NSUN2: variants seen among roughly 807,000 people sequenced by gnomAD.
NSUN2 encodes RNA cytosine C(5)-methyltransferase NSUN2.
A neutral mutation model predicts 92.7 loss-of-function variants in NSUN2; 63 were observed. The observed-to-expected ratio is 0.68, with a 90% CI of 0.56 to 0.84. The LOEUF is 0.84. NSUN2 is among the 40% of genes least tolerant of loss of function. NSUN2 has a pLI of 0.00. For missense variants in NSUN2, 989 were observed against 964.9 expected, an observed-to-expected ratio of 1.02 and a Z score of -0.33; for synonymous variants, 356 against 348.3, an observed-to-expected ratio of 1.02 and a Z score of -0.25.
At chr5:6,629,920 C>T (rs1040507776) in intron 3 of NSUN2, among the ~76,000 whole-genome samples, 2 of 152,148 alleles carry the variant, frequency 1.3e-5, no homozygotes, top group Non-Finnish European at 2.9e-5. Flanking sequence ...CTGAGGCCTC[C>T]CCGGCGATGT....
Position 6,604,288 on chromosome 5 carries a change from A to G in NSUN2, c.1819-12T>C. ...AATGTATATATTCCCTGTGTGAATA[A>G]AGAGAATGAGAGAACAGATACCATG... is the stretch of plus-strand genomic sequence containing the variant. On this transcript the variant is annotated splice_polypyrimidine_tract_variant and intron_variant, in intron 16 of 18. Transcript: ENST00000264670. The G allele has an allele frequency of 6.3e-7, 1 of 1,584,410 alleles. No homozygotes were observed. Among genetic ancestry groups the G allele is most frequent in the Non-Finnish European group, 8.6e-7 (1 of 1,157,022 alleles).
At chr5:6,607,970 T>TA (rs1367552007) in intron 12 of NSUN2, among the ~76,000 whole-genome samples, 1 of 152,062 alleles carries the variant, frequency 6.6e-6, no homozygotes, top group Admixed American at 6.5e-5. Flanking sequence ...TAAAGATCTT[T>TA]AAAAAATACA....
intron 12 of NSUN2, among the ~76,000 whole-genome samples, chr5:6,607,741 G>C (rs372600707): frequency 6.6e-6 from 1 of 152,150 alleles, no homozygotes; most frequent in East Asian, 1.9e-4. Flanking sequence ...CACCAAGCAC[G>C]ATTTCTAAAA....
chr5:6,612,799 TCA>T (rs2126485143), intron 9 of NSUN2, among the ~76,000 whole-genome samples: 1 of 152,346 alleles, frequency 6.6e-6, no homozygotes, highest in East Asian at 1.9e-4. Context: ...TCCAGGGGCT[TCA>T]CAGATGAGCA....
At chr5:6,605,190 C>A in intron 15 of NSUN2, 83 bp downstream of exon 15, 2 of 1,565,398 alleles carry the variant, frequency 1.3e-6, no homozygotes, top group South Asian at 2.4e-5. Flanking sequence ...ATGTCACGGT[C>A]TGCTCCAAAT....
chr5:6,606,941 C>A, intron 13 of NSUN2, 29 bp from the exon 14 acceptor site: 2 of 1,322,588 alleles, frequency 1.5e-6, no homozygotes, highest in South Asian at 2.4e-5. Context: ...TGAGACAAAT[C>A]AATCTGTAAT....
chr5:6,623,381 C>A, intron 4 of NSUN2, 96 bp from the exon 5 acceptor site: 1 of 1,010,190 alleles, frequency 9.9e-7, no homozygotes, highest in Non-Finnish European at 1.4e-6. Context: ...AACAGGAAAA[C>A]AGCACATAAT....
At chr5:6,600,559 C>T (rs112794188) in intron 18 of NSUN2, among the ~76,000 whole-genome samples, 5 of 152,198 alleles carry the variant, frequency 3.3e-5, no homozygotes, top group South Asian at 2.1e-4. Context: ...CCCGCCACCC[C>T]GTGTCACCTC....
At chr5:6,612,266 C>T (rs1737026818) in intron 9 of NSUN2, among the ~76,000 whole-genome samples, 1 of 152,214 alleles carries the variant, frequency 6.6e-6, no homozygotes, top group South Asian at 2.1e-4. Flanking sequence ...TCCGTCTCCC[C>T]ATTCCAATGC....
intron 14 of NSUN2, 53 bp from the exon 15 acceptor site, chr5:6,605,461 CTG>C: frequency 6.3e-7 from 1 of 1,585,644 alleles, no homozygotes; most frequent in Non-Finnish European, 8.6e-7. Context: ...ATCTGGTAGA[CTG>C]TTTCTAAACA....
chr5:6,600,940 G>A (rs1736527970), intron 18 of NSUN2, among the ~76,000 whole-genome samples: 1 of 152,026 alleles, frequency 6.6e-6, no homozygotes, highest in African/African-American at 2.4e-5. Flanking sequence ...TGTCCAGCCA[G>A]GAGGCATCGA....
chr5:6,621,148 C>T (rs1579373364), intron 6 of NSUN2: 1 of 152,204 alleles, frequency 6.6e-6, no homozygotes, highest in East Asian at 1.9e-4. Context: ...TATTTGTTTC[C>T]ACTTAAGAGA....
chr5:6,601,718 T>C (rs184903785), intron 18 of NSUN2, among the ~76,000 whole-genome samples: 32 of 152,272 alleles, frequency 2.1e-4, no homozygotes, highest in African/African-American at 7.2e-4. Flanking sequence ...CAACACTAAC[T>C]TCCCAAAGAA....
At chr5:6,607,100 C>T (rs1736807502) in intron 13 of NSUN2, 100 bp downstream of exon 13, 1 of 1,228,078 alleles carries the variant, frequency 8.1e-7, no homozygotes, top group East Asian at 2.3e-5. Flanking sequence ...CATGTACTGC[C>T]CCCTCAAACC....
At chr5:6,601,036 C>T (rs1736533053) in intron 18 of NSUN2, among the ~76,000 whole-genome samples, 1 of 152,152 alleles carries the variant, frequency 6.6e-6, no homozygotes, top group African/African-American at 2.4e-5. Flanking sequence ...GGGACTCTGA[C>T]CTAGATTTTA....
At chr5:6,617,923 T>C (rs201264748) in intron 8 of NSUN2, 27 bp downstream of exon 8, 2 of 1,546,196 alleles carry the variant, frequency 1.3e-6, no homozygotes, top group Non-Finnish European at 1.8e-6. Context: ...TGTCACACAG[T>C]GTTAGCAGTG....
At position 6,599,816 on chromosome 5, in the gene NSUN2, T is replaced by C; in HGVS notation, c.*110A>G. 3 of 917,168 alleles carry C rather than the reference T, an allele frequency of 3.3e-6. No individual in the cohort carries two copies. The highest frequency in any genetic ancestry group is 3.1e-5 in the South Asian group (2 of 64,000). 56.8% of individuals were successfully genotyped at this position (917,168 alleles called of 1,614,324 possible). ...CCCACCAGTCTGCAGTCATTAGAAA[T>C]ATATGCTTTACAGGCCACAGGCTGC... On this transcript the variant is annotated 3_prime_UTR_variant, in exon 19 of 19. Coordinates refer to ENST00000264670, the MANE Select transcript of NSUN2 (RefSeq NM_017755.6).
Position 6,632,894 on chromosome 5 carries a change from C to A in NSUN2, c.86G>T (p.Arg29Leu), listed in dbSNP as rs945705706. 6.5e-7 allele frequency: 1 copy of A among 1,531,098 alleles called. No individual in the cohort carries two copies. The highest frequency in any genetic ancestry group is 8.7e-7 in the Non-Finnish European group (1 of 1,144,236). The allele number at this position is 1,531,098 out of a possible 1,614,324, so 94.8% of individuals were successfully genotyped here. A position where few individuals can be genotyped will look rare whatever the true frequency, so the allele number is the denominator to read the frequency against. Residue 29 changes from arginine (R) to leucine (L), a missense_variant, in exon 1 of 19, where the codon CGC becomes CTC. This residue lies in a region of NSUN2 where 356 missense variants were observed against 338.6 expected (regional missense o/e 1.05). Transcript: ENST00000264670. ...AEDGAEGGGK[R>L]GEAGWEGGYP... ...GGTCCCGGCTCCTACCGCCTCGCCG[C>A]GCTTTCCACCACCCTCGGCGCCATC... is the stretch of plus-strand genomic sequence containing the variant.
chr5:6,620,613 G>A, intron 6 of NSUN2: 1 of 207,968 alleles, frequency 4.8e-6, no homozygotes, highest in Non-Finnish European at 9.5e-6. Context: ...AAAAAGATGA[G>A]GAGAAAGGTG....
Sources: allele counts gnomAD v4.1 joint callset (sites outside exome capture counted in the v4.1 genomes callset), GRCh38; gene constraint gnomAD v4.1.1; regional missense constraint gnomAD v4.1.1; transcripts MANE v1.5; gene names NCBI Gene and HGNC (gene_info 2026-07-23, HGNC 2026-07-21).